Variants in KYNU observed in about 807,000 individuals in gnomAD.
KYNU encodes the protein kynureninase, also known as L-kynurenine hydrolase.
A neutral mutation model predicts 59.2 loss-of-function variants in KYNU; 54 were observed. The observed-to-expected ratio is 0.91, with a 90% CI of 0.73 to 1.14. KYNU has a LOEUF of 1.14. Among genes scored for constraint, KYNU ranks in the 50% most tolerant of loss-of-function variants. The probability of loss-of-function intolerance (pLI) is 0.00; values close to 1 mark genes in which losing one functional copy is unlikely to be tolerated. For missense variants in KYNU, 567 were observed against 554.4 expected (o/e 1.02, Z -0.23); for synonymous variants, 177 against 192.0 (o/e 0.92, Z 0.65).
chr2:142,999,821 T>C (rs77693437), intron 10 of KYNU, among the ~76,000 whole-genome samples: 4,033 of 152,194 alleles, frequency 0.026, 171 homozygotes, highest in African/African-American at 0.093. Context: ...TAAATTTTAA[T>C]AAGACAGAAA....
chr2:142,983,110 AGGGGTTC>A (rs778207292), intron 8 of KYNU, among the ~76,000 whole-genome samples: 1,656 of 152,090 alleles, frequency 0.011, 13 homozygotes, highest in Middle Eastern at 0.02. Context: ...ACTTGGCTGG[AGGGGTTC>A]TGCAAGTCTC....
chr2:143,017,434 CTTTTT>C (rs1184177776), intron 10 of KYNU, among the ~76,000 whole-genome samples: 7 of 68,448 alleles, frequency 1.0e-4, no homozygotes, highest in African/African-American at 3.6e-4. Context: ...TCTCTTTTTT[CTTTTT>C]TTTTTTTTTT....
At chr2:143,025,639 T>A (rs912307822) in intron 10 of KYNU, among the ~76,000 whole-genome samples, 2 of 151,996 alleles carry the variant, frequency 1.3e-5, no homozygotes, top group South Asian at 2.1e-4. Flanking sequence ...ATTTTTTTTT[T>A]AAACTGGAAC....
At chr2:142,969,723 C>T (rs976857367) in intron 8 of KYNU, among the ~76,000 whole-genome samples, 1 of 152,206 alleles carries the variant, frequency 6.6e-6, no homozygotes, top group Non-Finnish European at 1.5e-5. Flanking sequence ...TCTGCTTCTG[C>T]AGCCACCCTT....
chr2:143,003,721 G>A (rs958374725), intron 10 of KYNU, among the ~76,000 whole-genome samples: 27 of 152,074 alleles, frequency 1.8e-4, no homozygotes, highest in African/African-American at 6.5e-4. Context: ...GGTTAGGTTA[G>A]GGTCTAACTG....
At chr2:142,896,811 G>A (rs188782700) in intron 2 of KYNU, among the ~76,000 whole-genome samples, 61 of 152,278 alleles carry the variant, frequency 4.0e-4, no homozygotes, top group African/African-American at 1.4e-3. Context: ...GCATTTCAGC[G>A]TACAAGTTGT....
intron 4 of KYNU, among the ~76,000 whole-genome samples, chr2:142,938,775 C>A (rs1043678859): frequency 6.6e-6 from 1 of 151,958 alleles, no homozygotes; most frequent in Non-Finnish European, 1.5e-5. Flanking sequence ...AAAAAGAAAT[C>A]TGTTTTTAGT....
At chr2:142,982,361 T>G (rs1167822565) in intron 8 of KYNU, among the ~76,000 whole-genome samples, 1 of 152,132 alleles carries the variant, frequency 6.6e-6, no homozygotes, top group Non-Finnish European at 1.5e-5. Flanking sequence ...ATTTTCTCAG[T>G]AAACATTGCA....
intron 1 of KYNU, among the ~76,000 whole-genome samples, chr2:142,884,265 C>T (rs576830192): frequency 2.0e-5 from 3 of 152,304 alleles, no homozygotes; most frequent in East Asian, 3.9e-4. Flanking sequence ...GGATGAATCT[C>T]TTTGGTATTC....
chr2:142,942,624 G>A (rs1008811058), intron 4 of KYNU, among the ~76,000 whole-genome samples: 6 of 152,268 alleles, frequency 3.9e-5, no homozygotes, highest in African/African-American at 9.6e-5. Flanking sequence ...ACTGAGGGGC[G>A]TAAGGCAGGA....
intron 8 of KYNU, among the ~76,000 whole-genome samples, chr2:142,961,665 C>A (rs1394723271): frequency 6.6e-6 from 1 of 151,358 alleles, no homozygotes; most frequent in Admixed American, 6.6e-5. Flanking sequence ...TTTTTCCTAC[C>A]CACTACTAAA....
intron 10 of KYNU, among the ~76,000 whole-genome samples, chr2:142,991,871 T>A (rs1007348141): frequency 1.3e-5 from 2 of 151,834 alleles, no homozygotes; most frequent in African/African-American, 4.8e-5. Context: ...TGATTGCAAA[T>A]TGCAAGAGTT....
intron 10 of KYNU, chr2:142,989,034 T>C (rs1685313314): frequency 1.5e-6 from 1 of 678,480 alleles, no homozygotes. Flanking sequence ...GTGAGAAGAG[T>C]GATAAACAAA....
At chr2:143,009,600 A>G (rs1686025809) in intron 10 of KYNU, among the ~76,000 whole-genome samples, 1 of 79,078 alleles carries the variant, frequency 1.3e-5, no homozygotes, top group Non-Finnish European at 2.2e-5. Flanking sequence ...GGGCAGAGAC[A>G]CAACCAAAAA....
chr2:142,989,622 A>G (rs1685333138), intron 10 of KYNU: 1 of 452,942 alleles, frequency 2.2e-6, no homozygotes, highest in Admixed American at 6.4e-5. Context: ...TCTTTTTGAC[A>G]ATTTGACTAT....
At chr2:142,925,009 C>A (rs2105007996) in intron 3 of KYNU, among the ~76,000 whole-genome samples, 1 of 152,226 alleles carries the variant, frequency 6.6e-6, no homozygotes, top group African/African-American at 2.4e-5. Context: ...GGAAGAAACA[C>A]ATCCTTAAAG....
chr2:143,041,959 A>G (rs1687069171), intron 13 of KYNU, 88 bp from the exon 14 acceptor site: 13 of 1,351,998 alleles, frequency 9.6e-6, no homozygotes, highest in Non-Finnish European at 4.2e-6. Flanking sequence ...AATCATTATG[A>G]AAGTGCTTTA....
rs1459551828 is a variant in KYNU at position 142,990,743 on chromosome 2, A to G, written c.902+4722A>G. 2.0e-5 allele frequency among the ~76,000 whole-genome samples: 3 copies of G among 151,892 alleles called. No homozygotes were observed. In the East Asian group the frequency reaches 5.8e-4, roughly 29 times the overall value. ...TCTGAGCTTTTTTGAATGGGCAAGA[A>G]TGGGGCCGACTGACAATTTTGATAA... is the stretch of plus-strand genomic sequence containing the variant. On this transcript the variant is annotated intron_variant, in intron 10 of 13. Transcript: ENST00000264170.
intron 8 of KYNU, among the ~76,000 whole-genome samples, chr2:142,969,876 A>G (rs1218083449): frequency 2.0e-5 from 3 of 152,240 alleles, no homozygotes; most frequent in East Asian, 3.8e-4. Flanking sequence ...TAAGTTGCCT[A>G]AAGCCCAGAG....
Sources: allele counts gnomAD v4.1 joint callset (sites outside exome capture counted in the v4.1 genomes callset), GRCh38; gene constraint gnomAD v4.1.1; transcripts MANE v1.5; gene names NCBI Gene and HGNC (gene_info 2026-07-23, HGNC 2026-07-21).